TINAGL1: variants seen among roughly 807,000 people sequenced by gnomAD.
The protein encoded by TINAGL1 is tubulointerstitial nephritis antigen like 1, also known as tubulointerstitial nephritis antigen-like.
TINAGL1 carries 34 observed loss-of-function variants against 62.0 expected under a neutral mutation model. The observed-to-expected ratio is 0.55, with a 90% CI of 0.42 to 0.73. TINAGL1 has a LOEUF of 0.73. Ranked by LOEUF, TINAGL1 falls within the 30% of genes least tolerant of loss-of-function variation. The pLI is 0.00. For synonymous variants in TINAGL1, 221 were observed against 249.7 expected, an observed-to-expected ratio of 0.88 and a Z score of 1.08; for missense variants, 516 against 653.2, an observed-to-expected ratio of 0.79 and a Z score of 2.29.
Position 31,583,736 on chromosome 1 carries a change from G to T in TINAGL1, c.582+161G>T. 5 of 642,048 alleles carry T rather than the reference G, an allele frequency of 7.8e-6. No individual in the cohort carries two copies. In the South Asian group the frequency reaches 9.5e-5, roughly 12 times the overall value. The allele number at this position is 642,048 out of a possible 1,614,324, so 39.8% of individuals were successfully genotyped here. On this transcript the variant is annotated intron_variant, in intron 5 of 11. Coordinates refer to ENST00000271064, the MANE Select transcript of TINAGL1 (RefSeq NM_022164.3). This position sits in a 1 kb window ranked among gnomAD's most constrained non-coding sequence, Gnocchi z 4.4. Reference sequence around the variant, plus strand: ...CCCCTTCTCTGGGCCTCTGTTCCCTGCTTCCACAGGATGTGCTGTGCTGGA... The same window carrying T: ...CCCCTTCTCTGGGCCTCTGTTCCCTTCTTCCACAGGATGTGCTGTGCTGGA...
At position 31,583,114 on chromosome 1, in the gene TINAGL1, C is replaced by G; in HGVS notation, c.375-35C>G. The G allele has an allele frequency of 1.3e-6, 2 of 1,598,488 alleles. No homozygotes were observed. The highest frequency in any genetic ancestry group is 1.7e-6 in the Non-Finnish European group (2 of 1,165,836). On this transcript the variant is annotated intron_variant, in intron 3 of 11. Coordinates refer to ENST00000271064, the MANE Select transcript of TINAGL1 (RefSeq NM_022164.3). The surrounding 1 kb of genome is among the most constrained non-coding windows in gnomAD (Gnocchi z 4.4). ...ATTCCTTCAAAGTATCCCCAGTCCC[C>G]CACTTACCCTTTCCTTCTCTCCTTT... is the stretch of plus-strand genomic sequence containing the variant.
At chr1:31,581,654 C>G (rs754601214) in intron 3 of TINAGL1, among the ~76,000 whole-genome samples, 5 of 152,160 alleles carry the variant, frequency 3.3e-5, no homozygotes, top group Admixed American at 6.5e-5. Flanking sequence ...TCTGGGATTC[C>G]TGTAACAGAA....
At position 31,585,677 on chromosome 1, in the gene TINAGL1, G is replaced by A; in HGVS notation, c.1094-76G>A. 6.4e-7 allele frequency: 1 copy of A among 1,560,296 alleles called. No individual in the cohort carries two copies. ...GGTATGGAGGGACCCTGGTGCCTGG[G>A]CACATCTCAATAGACTCAGGCTCCA... On this transcript the variant is annotated intron_variant, in intron 9 of 11. Coordinates refer to ENST00000271064, the MANE Select transcript of TINAGL1 (RefSeq NM_022164.3). The surrounding 1 kb of genome is among the most constrained non-coding windows in gnomAD (Gnocchi z 4.3).
At position 31,585,732 on chromosome 1, in the gene TINAGL1, T is replaced by C; in HGVS notation, c.1094-21T>C. ...CTGTGCCAACGGGCTGAGTGGACCC[T>C]ACCTTGACATCTGCCCACAGCCCTC... On this transcript the variant is annotated intron_variant, in intron 9 of 11. Coordinates refer to ENST00000271064, the MANE Select transcript of TINAGL1 (RefSeq NM_022164.3). The surrounding 1 kb of genome is among the most constrained non-coding windows in gnomAD (Gnocchi z 4.3). 6.2e-7 allele frequency: 1 copy of C among 1,609,132 alleles called. No homozygotes were observed. Among genetic ancestry groups the C allele is most frequent in the South Asian group, 1.1e-5 (1 of 90,112 alleles).
intron 3 of TINAGL1, chr1:31,580,251 GTC>G (rs760613963): frequency 4.6e-4 from 408 of 895,086 alleles, no homozygotes; most frequent in South Asian, 2.0e-3. Context: ...CTCTCTCTCT[GTC>G]TCTCTCTCTC....
rs1012497030 is a variant in TINAGL1 at position 31,577,629 on chromosome 1, C to A, written c.310+171C>A. The A allele has an allele frequency of 6.8e-6, 5 of 732,082 alleles. No homozygotes were observed. Among genetic ancestry groups the A allele is most frequent in the Non-Finnish European group, 1.1e-5 (5 of 467,200 alleles). 45.3% of individuals were successfully genotyped at this position (732,082 alleles called of 1,614,324 possible). ...ACTCTCCAGCAAGACTGAAGAAGCT[C>A]CTTGGTTAGAATTCTAATTTGGCCC... On this transcript the variant is annotated intron_variant, in intron 2 of 11. Coordinates refer to ENST00000271064, the MANE Select transcript of TINAGL1 (RefSeq NM_022164.3). The surrounding 1 kb of genome is among the most constrained non-coding windows in gnomAD (Gnocchi z 5.4).
chr1:31,577,108 T>A lies in TINAGL1; in HGVS notation c.-15-26T>A. 1 of 1,444,314 alleles carries A rather than the reference T, an allele frequency of 6.9e-7. No homozygotes were observed. Among genetic ancestry groups the A allele is most frequent in the South Asian group, 1.4e-5 (1 of 69,212 alleles). The allele number at this position is 1,444,314 out of a possible 1,614,324, so 89.5% of individuals were successfully genotyped here. A position where few individuals can be genotyped will look rare whatever the true frequency, so the allele number is the denominator to read the frequency against. ...CATCCCTGGTGTTCCAGGGAGTCTC[T>A]GCTGCCCACCATCTCTGCCCCCCAG... On this transcript the variant is annotated intron_variant, in intron 1 of 11. Transcript: ENST00000271064. This position sits in a 1 kb window ranked among gnomAD's most constrained non-coding sequence, Gnocchi z 5.4.
At position 31,582,917 on chromosome 1, in the gene TINAGL1, C is replaced by G. The variant is rs564960595; in HGVS notation, c.375-232C>G. ...GTTCAGGGTAGTGATGTTGAGTAGCCGTGAGATCCTTGACTCTGGTGTTCA... is the reference window on the plus strand; with the variant it reads ...GTTCAGGGTAGTGATGTTGAGTAGCGGTGAGATCCTTGACTCTGGTGTTCA... On this transcript the variant is annotated intron_variant, in intron 3 of 11. Transcript: ENST00000271064. 2.0e-5 allele frequency among the ~76,000 whole-genome samples: 3 copies of G among 152,100 alleles called. No homozygotes were observed. The East Asian group carries it at 5.8e-4, about 29-fold the overall frequency.
chr1:31,580,783 C>A, intron 3 of TINAGL1: 1 of 1,206,716 alleles, frequency 8.3e-7, no homozygotes, highest in Non-Finnish European at 1.1e-6. Flanking sequence ...GCCCTTCAGT[C>A]GGCACCTATT....
At position 31,583,455 on chromosome 1, in the gene TINAGL1, C is replaced by A; in HGVS notation, c.468-6C>A. Reference sequence around the variant, plus strand: ...CTGTGACTTCCTTCCGTCCCCTCTCCTTCAGCTGGCAGGCTGGGAACCACA... The same window carrying A: ...CTGTGACTTCCTTCCGTCCCCTCTCATTCAGCTGGCAGGCTGGGAACCACA... On this transcript the variant is annotated splice_region_variant and splice_polypyrimidine_tract_variant and intron_variant, in intron 4 of 11. Transcript: ENST00000271064. This position sits in a 1 kb window ranked among gnomAD's most constrained non-coding sequence, Gnocchi z 4.4. The A allele has an allele frequency of 6.2e-7, 1 of 1,612,862 alleles. No individual in the cohort carries two copies. The highest frequency in any genetic ancestry group is 8.5e-7 in the Non-Finnish European group (1 of 1,179,452).
At chr1:31,580,654 G>A (rs889841600) in intron 3 of TINAGL1, 1 of 1,289,084 alleles carries the variant, frequency 7.8e-7, no homozygotes, top group Non-Finnish European at 1.0e-6. Flanking sequence ...TCCCCTTGAG[G>A]CTCCTTAAAA....
At position 31,585,426 on chromosome 1, in the gene TINAGL1, C is replaced by G. The variant is rs369863999; in HGVS notation, c.1048-14C>G. The G allele has an allele frequency of 7.8e-5, 126 of 1,613,992 alleles. 1 individual carries two copies. In the South Asian group the frequency reaches 1.3e-3, roughly 17 times the overall value. On this transcript the variant is annotated splice_polypyrimidine_tract_variant and intron_variant, in intron 8 of 11. Coordinates refer to ENST00000271064, the MANE Select transcript of TINAGL1 (RefSeq NM_022164.3). The surrounding 1 kb of genome is among the most constrained non-coding windows in gnomAD (Gnocchi z 4.3). ...CCCCTGACGTATGCTCTCTGTCCATCCCCTGCCCTCCAGGACAAGGAGATC... is the reference window on the plus strand; with the variant it reads ...CCCCTGACGTATGCTCTCTGTCCATGCCCTGCCCTCCAGGACAAGGAGATC...
Position 31,583,656 on chromosome 1 carries a change from C to T in TINAGL1, c.582+81C>T, listed in dbSNP as rs561066918. On this transcript the variant is annotated intron_variant, in intron 5 of 11. Transcript: ENST00000271064. This position sits in a 1 kb window ranked among gnomAD's most constrained non-coding sequence, Gnocchi z 4.4. ...GATGCTGGCCCTGTGCCCTGCTCCTCCAAGGGCCTGGACCATCCCCTACTA... is the reference window on the plus strand; with the variant it reads ...GATGCTGGCCCTGTGCCCTGCTCCTTCAAGGGCCTGGACCATCCCCTACTA... 1.7e-5 allele frequency: 22 copies of T among 1,273,458 alleles called. No homozygotes were observed. In the East Asian group the frequency reaches 5.3e-4, roughly 31 times the overall value. 78.9% of individuals were successfully genotyped at this position (1,273,458 alleles called of 1,614,324 possible). A position where few individuals can be genotyped will look rare whatever the true frequency, so the allele number is the denominator to read the frequency against.
chr1:31,586,338 T>C (rs1162449677), intron 10 of TINAGL1: 1 of 430,092 alleles, frequency 2.3e-6, no homozygotes, highest in African/African-American at 2.0e-5. Flanking sequence ...TCTCAGAGTG[T>C]CTTCCTTCTG....
In TINAGL1 at chr1:31,583,146, C is replaced by T; in HGVS notation, c.375-3C>T. 2 of 1,614,070 alleles carry T rather than the reference C, an allele frequency of 1.2e-6. No homozygotes were observed. The highest frequency in any genetic ancestry group is 1.3e-5 in the African/African-American group (1 of 75,042). On this transcript the variant is annotated splice_polypyrimidine_tract_variant and splice_region_variant and intron_variant, in intron 3 of 11. Coordinates refer to ENST00000271064, the MANE Select transcript of TINAGL1 (RefSeq NM_022164.3). This position sits in a 1 kb window ranked among gnomAD's most constrained non-coding sequence, Gnocchi z 4.4. ...CCCTTTCCTTCTCTCCTTTTCTCAC[C>T]AGCACCTGCCAGGAGAACAGGCAGT...
Position 31,584,647 on chromosome 1 carries a change from G to C in TINAGL1, c.583-31G>C. 1 of 1,612,402 alleles carries C rather than the reference G, an allele frequency of 6.2e-7. No homozygotes were observed. Among genetic ancestry groups the C allele is most frequent in the Non-Finnish European group, 8.5e-7 (1 of 1,179,972 alleles). ...CTGAGGGGCAGGCCAGGGCAGAGCA[G>C]GAGGCAGACAGGGCAACCTTTATCT... is the stretch of plus-strand genomic sequence containing the variant. On this transcript the variant is annotated intron_variant, in intron 5 of 11. Coordinates refer to ENST00000271064, the MANE Select transcript of TINAGL1 (RefSeq NM_022164.3). This position sits in a 1 kb window ranked among gnomAD's most constrained non-coding sequence, Gnocchi z 4.0.
At chr1:31,578,070 A>T (rs1570191312) in intron 2 of TINAGL1, 18 of 856,846 alleles carry the variant, frequency 2.1e-5, no homozygotes, top group Non-Finnish European at 2.5e-5. Flanking sequence ...CCCACTCCCC[A>T]TCTCCAAGCC....
In TINAGL1 at chr1:31,587,126, TGACGCAGC is replaced by T; in HGVS notation, c.*149_*156del. The stretch of plus-strand genomic sequence containing the variant: ...GCGCTAATCCCGGCGCGGGTTCCGC[TGACGCAGC>T]GCCCCGCCTGGGAGCCGCGGGCAGG... On this transcript the variant is annotated 3_prime_UTR_variant, in exon 12 of 12. Coordinates refer to ENST00000271064, the MANE Select transcript of TINAGL1 (RefSeq NM_022164.3). 1 of 1,214,942 alleles carries T rather than the reference TGACGCAGC, an allele frequency of 8.2e-7. No homozygotes were observed. The highest frequency in any genetic ancestry group is 1.0e-6 in the Non-Finnish European group (1 of 955,436). 75.3% of individuals were successfully genotyped at this position (1,214,942 alleles called of 1,614,324 possible).
chr1:31,584,824 C>T lies in TINAGL1; in HGVS notation c.706+23C>T, dbSNP rs201197760. On this transcript the variant is annotated intron_variant, in intron 6 of 11. Transcript: ENST00000271064. This position sits in a 1 kb window ranked among gnomAD's most constrained non-coding sequence, Gnocchi z 4.0. Reference sequence around the variant, plus strand: ...CAGGTAAGCCAAGGGCAAGGGCTGGCGCCTGGGAGAGGAGGGCCAAGTCCT... The same window carrying T: ...CAGGTAAGCCAAGGGCAAGGGCTGGTGCCTGGGAGAGGAGGGCCAAGTCCT... 94 of 1,614,062 alleles carry T rather than the reference C, an allele frequency of 5.8e-5. No individual in the cohort carries two copies. Among genetic ancestry groups the T allele is most frequent in the African/African-American group, 9.3e-5 (7 of 74,948 alleles).
Sources: allele counts gnomAD v4.1 joint callset (sites outside exome capture counted in the v4.1 genomes callset), GRCh38; gene constraint gnomAD v4.1.1; non-coding constraint Gnocchi (gnomAD v3.1); transcripts MANE v1.5; gene names NCBI Gene and HGNC (gene_info 2026-07-23, HGNC 2026-07-21).